DOCK7: variants seen among roughly 807,000 people sequenced by gnomAD.
The protein encoded by DOCK7 is dedicator of cytokinesis 7, also known as dedicator of cytokinesis protein 7.
A neutral mutation model predicts 271.0 loss-of-function variants in DOCK7; 138 were observed. The observed-to-expected ratio is 0.51, with a 90% CI of 0.44 to 0.59. The LOEUF is 0.59. DOCK7 is among the 20% of genes least tolerant of loss of function. DOCK7 has a pLI of 0.00. For missense variants in DOCK7, 2,066 were observed against 2,592.4 expected (o/e 0.80, Z 4.41); for synonymous variants, 823 against 876.1 (o/e 0.94, Z 1.07).
intron 24 of DOCK7, 135 bp downstream of exon 24, chr1:62,543,521 T>C: frequency 1.8e-6 from 1 of 564,676 alleles, no homozygotes. Context: ...AGACAAGCAA[T>C]GCTTGTTCAG....
At chr1:62,582,980 G>A (rs1247097723) in intron 16 of DOCK7, among the ~76,000 whole-genome samples, 2 of 152,220 alleles carry the variant, frequency 1.3e-5, no homozygotes, top group Non-Finnish European at 2.9e-5. Context: ...GAATTCGATA[G>A]AAAAGATGTT....
intron 21 of DOCK7, among the ~76,000 whole-genome samples, chr1:62,553,838 TGTGC>T (rs1030061198): frequency 6.5e-5 from 8 of 122,504 alleles, no homozygotes; most frequent in Non-Finnish European, 1.4e-4. Flanking sequence ...CACACAGACG[TGTGC>T]GTGCGTGCGC....
intron 18 of DOCK7, among the ~76,000 whole-genome samples, chr1:62,566,348 T>G (rs943846974): frequency 1.3e-5 from 2 of 152,036 alleles, no homozygotes; most frequent in African/African-American, 2.4e-5. Context: ...CCAAAACAGA[T>G]ATATAGACCA....
Position 62,586,516 on chromosome 1 carries a change from A to G in DOCK7, c.1791T>C (p.Asn597=). ...VQFMYGEDPS[N]AMPVIFGKSS... ...AAAGAACATTTCTTACCGGCATGGC[A>G]TTGCTTGGATCCTCTCCATACATAA... The change falls in exon 15 of 50, where the codon AAT becomes AAC. Residue 597 remains asparagine (N), a synonymous_variant. Transcript: ENST00000635253. 2.5e-6 allele frequency: 4 copies of G among 1,601,838 alleles called. No homozygotes were observed. The highest frequency in any genetic ancestry group is 3.4e-6 in the Non-Finnish European group (4 of 1,172,236).
rs59893499 is a variant in DOCK7 at position 62,562,233 on chromosome 1, CT to C, written c.2113-531del. Reference sequence around the variant, plus strand: ...GCCTGTTGGTTTAAGGATCCAAAAACTTTTTTTTTTTTTTTTGAAATAGAGT... The same window carrying C: ...GCCTGTTGGTTTAAGGATCCAAAAACTTTTTTTTTTTTTTTGAAATAGAGT... On this transcript the variant is annotated intron_variant, in intron 18 of 49. Transcript: ENST00000635253. Among the ~76,000 whole-genome samples, 170 of 121,260 alleles carry C rather than the reference CT, an allele frequency of 1.4e-3. 1 individual carries two copies. Among genetic ancestry groups the C allele is most frequent in the African/African-American group, 3.5e-3 (115 of 33,246 alleles). The allele number at this position is 121,260 out of a possible 152,430, so 79.6% of individuals were successfully genotyped here.
intron 48 of DOCK7, 30 bp downstream of exon 48, chr1:62,473,952 G>T: frequency 6.3e-7 from 1 of 1,576,018 alleles, no homozygotes; most frequent in Non-Finnish European, 8.7e-7. Context: ...GTCTCAATTT[G>T]AAGATCTTTA....
chr1:62,499,146 T>C (rs1485044497), intron 37 of DOCK7, among the ~76,000 whole-genome samples: 4 of 152,196 alleles, frequency 2.6e-5, no homozygotes, highest in African/African-American at 9.7e-5. Flanking sequence ...ATACTATAAA[T>C]TGTCCTTTCT....
At chr1:62,557,771 G>C (rs942413326) in intron 20 of DOCK7, among the ~76,000 whole-genome samples, 1 of 151,464 alleles carries the variant, frequency 6.6e-6, no homozygotes, top group African/African-American at 2.4e-5. Context: ...CTATAACAAA[G>C]AACAATGCTA....
intron 18 of DOCK7, among the ~76,000 whole-genome samples, chr1:62,571,437 C>G (rs1646774960): frequency 6.6e-6 from 1 of 152,114 alleles, no homozygotes; most frequent in Non-Finnish European, 1.5e-5. Context: ...GATAGGAACA[C>G]TTTTACACTG....
At chr1:62,573,023 T>C (rs961252917) in intron 18 of DOCK7, among the ~76,000 whole-genome samples, 9 of 152,180 alleles carry the variant, frequency 5.9e-5, no homozygotes, top group African/African-American at 2.2e-4. Context: ...ATTACCTACA[T>C]ACAGAGTTGG....
intron 18 of DOCK7, among the ~76,000 whole-genome samples, chr1:62,563,082 G>C (rs1277076334): frequency 6.6e-6 from 1 of 152,124 alleles, no homozygotes; most frequent in Non-Finnish European, 1.5e-5. Context: ...AGGCCATGTG[G>C]AGCAGTAACA....
At chr1:62,561,808 T>C (rs1005509069) in intron 18 of DOCK7, 105 bp from the exon 19 acceptor site, 1 of 586,740 alleles carries the variant, frequency 1.7e-6, no homozygotes. Context: ...TGTGAAAATA[T>C]ATTTTTATTC....
At chr1:62,569,601 C>T (rs1040277456) in intron 18 of DOCK7, among the ~76,000 whole-genome samples, 1 of 152,074 alleles carries the variant, frequency 6.6e-6, no homozygotes, top group African/African-American at 2.4e-5. Context: ...ATAGTAAGAG[C>T]CATTTATGAA....
chr1:62,489,391 G>A (rs1332944354), intron 41 of DOCK7, among the ~76,000 whole-genome samples: 2 of 152,178 alleles, frequency 1.3e-5, no homozygotes, highest in African/African-American at 2.4e-5. Context: ...GGAGTGTGCA[G>A]TGAGCTGAGA....
intron 35 of DOCK7, among the ~76,000 whole-genome samples, 178 bp from the exon 36 acceptor site, chr1:62,505,994 G>T (rs1257783330): frequency 6.6e-6 from 1 of 151,418 alleles, no homozygotes; most frequent in Non-Finnish European, 1.5e-5. Context: ...AGCAGGATTT[G>T]AATAAGAAAA....
Position 62,556,009 on chromosome 1 carries a change from A to G in DOCK7, c.2432-20T>C. 6.2e-7 allele frequency: 1 copy of G among 1,607,658 alleles called. No individual in the cohort carries two copies. Among genetic ancestry groups the G allele is most frequent in the African/African-American group, 1.3e-5 (1 of 74,516 alleles). ...GGTTAACTTTTAAGAAAGAAGAAGT[A>G]TTTACCTTTGCTTTAACTTTTTTTA... On this transcript the variant is annotated intron_variant, in intron 20 of 49. Coordinates refer to ENST00000635253, the MANE Select transcript of DOCK7 (RefSeq NM_001367561.1).
intron 10 of DOCK7, among the ~76,000 whole-genome samples, chr1:62,632,598 C>A (rs1424786025): frequency 3.9e-5 from 6 of 152,190 alleles, no homozygotes; most frequent in South Asian, 4.1e-4. Flanking sequence ...CCAAAGATCA[C>A]TTGTATTCTT....
Position 62,513,785 on chromosome 1 carries a change from A to T in DOCK7, c.4050T>A (p.Asp1350Glu), listed in dbSNP as rs1644574147. 1 of 1,614,044 alleles carries T rather than the reference A, an allele frequency of 6.2e-7. No homozygotes were observed. Among genetic ancestry groups the T allele is most frequent in the Non-Finnish European group, 8.5e-7 (1 of 1,180,010 alleles). The change falls in exon 32 of 50, where the codon GAT becomes GAA. Residue 1350 changes from aspartate (D) to glutamate (E), a missense_variant. Asp to Glu is a conservative substitution (Grantham distance 45). Coordinates refer to ENST00000635253, the MANE Select transcript of DOCK7 (RefSeq NM_001367561.1). ...GCCGGTTTAGCTGCAAGACTGAGAG[A>T]TCTGTAAACCACTTCTGTAGAACTG... is the stretch of plus-strand genomic sequence containing the variant. ...DETVLQKWFTDLSVLQLNRLL... is the reference protein window; with the variant it reads ...DETVLQKWFTELSVLQLNRLL...
At position 62,529,343 on chromosome 1, in the gene DOCK7, C is replaced by A. The variant is rs775037286; in HGVS notation, c.3715G>T (p.Ala1239Ser). ...CCAATCAGAGGTAGATACAACATGG[C>A]CACTCGAGCCTTTATCTGAGGGTCA... The part of the protein sequence containing the change: ...YSDPQIKARV[A>S]MLYLPLIGII... The change falls in exon 30 of 50, where the codon GCC becomes TCC. Residue 1239 changes from alanine to serine, a missense_variant. Physicochemically the swap from Ala to Ser is moderately conservative, Grantham distance 99. Coordinates refer to ENST00000635253, the MANE Select transcript of DOCK7 (RefSeq NM_001367561.1). 6.2e-7 allele frequency: 1 copy of A among 1,613,534 alleles called. No homozygotes were observed. The highest frequency in any genetic ancestry group is 1.3e-5 in the African/African-American group (1 of 74,990).
Sources: gnomAD v4.1 joint callset for allele counts (sites outside exome capture counted in the v4.1 genomes callset) on GRCh38, gnomAD v4.1.1 for gene constraint, MANE v1.5 for transcripts, NCBI Gene and HGNC (gene_info 2026-07-23, HGNC 2026-07-21) for gene names.